Variants in C8orf34 observed in about 807,000 individuals in gnomAD.
C8orf34 encodes the protein uncharacterized protein C8orf34.
A neutral mutation model predicts 68.3 loss-of-function variants in C8orf34; 65 were observed. The observed-to-expected ratio is 0.95, with a 90% CI of 0.78 to 1.17. The LOEUF (loss-of-function observed/expected upper bound fraction) is 1.17. C8orf34 is among the 50% of genes most tolerant of loss of function. The probability of loss-of-function intolerance (pLI) is 0.00; values close to 1 mark genes in which losing one functional copy is unlikely to be tolerated. For synonymous variants in C8orf34, 244 were observed against 241.2 expected (o/e 1.01, Z -0.11); for missense variants, 664 against 655.4 (o/e 1.01, Z -0.14).
chr8:68,790,794 T>C, intron 12 of C8orf34: 1 of 690,594 alleles, frequency 1.4e-6, no homozygotes, highest in South Asian at 1.5e-5. Context: ...TTAACACTCA[T>C]ATTCTGGGAC....
intron 5 of C8orf34, among the ~76,000 whole-genome samples, chr8:68,515,818 T>C (rs1370093695): frequency 6.6e-6 from 1 of 152,228 alleles, no homozygotes; most frequent in Admixed American, 6.5e-5. Context: ...GCTGATGTGA[T>C]GTACTGGCCT....
intron 7 of C8orf34, among the ~76,000 whole-genome samples, chr8:68,613,337 CA>C (rs571011600): frequency 0.028 from 4,257 of 151,966 alleles, 192 homozygotes; most frequent in African/African-American, 0.096. Context: ...TACATGTGCA[CA>C]ATGTGCAGGT....
chr8:68,674,977 A>C (rs1212642004), intron 8 of C8orf34, among the ~76,000 whole-genome samples: 2 of 152,050 alleles, frequency 1.3e-5, no homozygotes, highest in Non-Finnish European at 2.9e-5. Context: ...TGGGAACTTT[A>C]CAGGCCAGGA....
intron 9 of C8orf34, among the ~76,000 whole-genome samples, chr8:68,713,107 A>C (rs1372998120): frequency 6.6e-6 from 1 of 152,190 alleles, no homozygotes; most frequent in African/African-American, 2.4e-5. Flanking sequence ...TGGAAATTAA[A>C]AAGTTCTTTG....
At chr8:68,545,984 A>G (rs995484052) in intron 7 of C8orf34, among the ~76,000 whole-genome samples, 71 of 152,142 alleles carry the variant, frequency 4.7e-4, no homozygotes, top group Non-Finnish European at 4.0e-4. Context: ...CTACATTATT[A>G]TAAGAGGTGA....
chr8:68,686,863 T>C (rs1023253361), intron 8 of C8orf34, among the ~76,000 whole-genome samples: 12 of 152,204 alleles, frequency 7.9e-5, no homozygotes, highest in African/African-American at 2.9e-4. Context: ...TATTATCCTA[T>C]ACCTAGAAAA....
chr8:68,438,228 G>A (rs1810744347), intron 1 of C8orf34: 3 of 152,168 alleles, frequency 2.0e-5, no homozygotes, highest in Admixed American at 2.0e-4. Flanking sequence ...CTTTTTCCAA[G>A]TGCTACAGTA....
intron 11 of C8orf34, among the ~76,000 whole-genome samples, chr8:68,785,995 G>A (rs775208232): frequency 6.6e-6 from 1 of 152,122 alleles, no homozygotes; most frequent in Non-Finnish European, 1.5e-5. Context: ...TTAATGACTG[G>A]TGGTGTCATG....
At chr8:68,736,684 TC>T (rs1822131220) in intron 10 of C8orf34, among the ~76,000 whole-genome samples, 2 of 152,090 alleles carry the variant, frequency 1.3e-5, no homozygotes, top group Non-Finnish European at 2.9e-5. Flanking sequence ...GAAGAGATAC[TC>T]AATAAATGCT....
chr8:68,361,338 G>A (rs1806986905), intron 1 of C8orf34, among the ~76,000 whole-genome samples: 1 of 152,208 alleles, frequency 6.6e-6, no homozygotes, highest in South Asian at 2.1e-4. Flanking sequence ...GCATGGACCA[G>A]TCTTTAGAGG....
chr8:68,375,933 G>A (rs1158930924), intron 1 of C8orf34, among the ~76,000 whole-genome samples: 1 of 152,102 alleles, frequency 6.6e-6, no homozygotes, highest in South Asian at 2.1e-4. Context: ...AGAAATGGAA[G>A]CAGTATCTCT....
chr8:68,606,926 CAT>C (rs1817870763), intron 7 of C8orf34, among the ~76,000 whole-genome samples: 1 of 152,004 alleles, frequency 6.6e-6, no homozygotes, highest in African/African-American at 2.4e-5. Flanking sequence ...TTAAGATCTC[CAT>C]GTGTCTATCC....
intron 7 of C8orf34, among the ~76,000 whole-genome samples, chr8:68,639,443 A>G (rs982066191): frequency 8.6e-5 from 13 of 152,008 alleles, no homozygotes; most frequent in Admixed American, 2.6e-4. Flanking sequence ...GTAATATCCA[A>G]TTAAAACGTG....
intron 5 of C8orf34, among the ~76,000 whole-genome samples, chr8:68,497,384 A>G (rs1813570899): frequency 6.6e-6 from 1 of 152,234 alleles, no homozygotes; most frequent in Non-Finnish European, 1.5e-5. Flanking sequence ...GGCACTGGAA[A>G]CACAGACAAT....
intron 1 of C8orf34, among the ~76,000 whole-genome samples, chr8:68,379,972 C>G (rs1425180285): frequency 6.6e-6 from 1 of 152,168 alleles, no homozygotes; most frequent in Non-Finnish European, 1.5e-5. Flanking sequence ...CCAACTGGAA[C>G]CTCCCAAGTA....
chr8:68,551,718 T>C (rs897366179), intron 7 of C8orf34, among the ~76,000 whole-genome samples: 1 of 152,078 alleles, frequency 6.6e-6, no homozygotes, highest in African/African-American at 2.4e-5. Flanking sequence ...CATGATTGCA[T>C]CTCTGTCTTT....
At chr8:68,659,891 A>G (rs1052364524) in intron 8 of C8orf34, among the ~76,000 whole-genome samples, 2 of 152,150 alleles carry the variant, frequency 1.3e-5, no homozygotes, top group South Asian at 2.1e-4. Flanking sequence ...TTATAAACCA[A>G]CCTTTGAAAA....
chr8:68,361,450 T>C (rs1806994346), intron 1 of C8orf34, among the ~76,000 whole-genome samples: 1 of 152,206 alleles, frequency 6.6e-6, no homozygotes, highest in South Asian at 2.1e-4. Context: ...CCAATATTCC[T>C]GGCAGCTGGC....
chr8:68,357,412 G>A (rs1339126711), intron 1 of C8orf34, among the ~76,000 whole-genome samples: 1 of 152,054 alleles, frequency 6.6e-6, no homozygotes, highest in Non-Finnish European at 1.5e-5. Context: ...TGAAATGTTT[G>A]GCTAAGACAT....
Sources: gnomAD v4.1 joint callset for allele counts (sites outside exome capture counted in the v4.1 genomes callset) on GRCh38, gnomAD v4.1.1 for gene constraint, MANE v1.5 for transcripts, NCBI Gene and HGNC (gene_info 2026-07-23, HGNC 2026-07-21) for gene names.